The following GLIS3 variants were observed in gnomAD, a reference collection of about 807,000 sequenced individuals.
GLIS3 encodes the protein GLIS family zinc finger 3, also known as zinc finger protein GLIS3.
GLIS3 carries 53 observed loss-of-function variants against 78.6 expected under a neutral mutation model. That is an observed-to-expected ratio of 0.67 (90% CI 0.54 to 0.85). The LOEUF (loss-of-function observed/expected upper bound fraction) is 0.85. Ranked by LOEUF, GLIS3 falls within the 40% of genes least tolerant of loss-of-function variation. GLIS3 has a pLI of 0.00. For missense variants in GLIS3, 1,703 were observed against 1,231.1 expected, an observed-to-expected ratio of 1.38 and a Z score of -5.74; for synonymous variants, 684 against 509.9, an observed-to-expected ratio of 1.34 and a Z score of -4.60.
chr9:4,457,697 A>C, the GLIS3 span, among the ~76,000 whole-genome samples: 1 of 151,928 alleles, frequency 6.6e-6, no homozygotes, highest in South Asian at 2.1e-4. Flanking sequence ...AATACAAAAA[A>C]AAATTAGCTG....
chr9:4,384,914 G>A, the GLIS3 span, among the ~76,000 whole-genome samples: 1 of 151,804 alleles, frequency 6.6e-6, no homozygotes, highest in Non-Finnish European at 1.5e-5. Flanking sequence ...CACAACATTG[G>A]GTCCTAACTG....
At chr9:4,251,497 G>C (rs553708211) in intron 2 of GLIS3, among the ~76,000 whole-genome samples, 41 of 143,358 alleles carry the variant, frequency 2.9e-4, no homozygotes, top group Non-Finnish European at 5.9e-4. Flanking sequence ...TTGAGCCTAT[G>C]TGTGTCTTTG....
At chr9:4,362,047 GA>G in the GLIS3 span, among the ~76,000 whole-genome samples, 1 of 152,206 alleles carries the variant, frequency 6.6e-6, no homozygotes, top group Admixed American at 6.5e-5. Context: ...GGTCAGCAAA[GA>G]GGGATAAATC....
At chr9:4,191,009 G>A (rs1818285980) in intron 2 of GLIS3, among the ~76,000 whole-genome samples, 1 of 151,906 alleles carries the variant, frequency 6.6e-6, no homozygotes, top group Admixed American at 6.6e-5. Context: ...CGCCAGGCCT[G>A]CCCTAAAAGA....
At chr9:4,395,930 C>T in the GLIS3 span, among the ~76,000 whole-genome samples, 665 of 151,160 alleles carry the variant, frequency 4.4e-3, 2 homozygotes, top group African/African-American at 0.016. Context: ...TGCACCACCA[C>T]GCCCAGCTAA....
intron 4 of GLIS3, among the ~76,000 whole-genome samples, chr9:4,000,188 A>AT (rs1821035538): frequency 6.6e-6 from 1 of 152,236 alleles, no homozygotes; most frequent in Non-Finnish European, 1.5e-5. Context: ...ATCAACATGG[A>AT]TAACTCTTGA....
At chr9:4,088,089 G>C (rs1180335614) in intron 4 of GLIS3, among the ~76,000 whole-genome samples, 1 of 152,170 alleles carries the variant, frequency 6.6e-6, no homozygotes. Flanking sequence ...GCAGATCTGG[G>C]TTTGTCTTCA....
chr9:4,133,207 T>C (rs1833104718), intron 2 of GLIS3, among the ~76,000 whole-genome samples: 1 of 152,234 alleles, frequency 6.6e-6, no homozygotes, highest in Admixed American at 6.5e-5. Context: ...GCAGATTCCA[T>C]GTCCTTCATT....
intron 4 of GLIS3, among the ~76,000 whole-genome samples, chr9:4,006,761 C>T (rs1821585046): frequency 6.6e-6 from 1 of 152,186 alleles, no homozygotes; most frequent in Admixed American, 6.5e-5. Context: ...CCTGCTCTTT[C>T]TTCTAAAGAC....
chr9:4,204,030 C>G (rs994873137), intron 2 of GLIS3, among the ~76,000 whole-genome samples: 6 of 152,132 alleles, frequency 3.9e-5, no homozygotes, highest in African/African-American at 1.2e-4. Flanking sequence ...TAACATGATC[C>G]ATCCTCAGCA....
the GLIS3 span, among the ~76,000 whole-genome samples, chr9:4,483,520 C>T: frequency 2.6e-5 from 4 of 152,106 alleles, no homozygotes; most frequent in Non-Finnish European, 4.4e-5. Flanking sequence ...GAGTTTGAGA[C>T]CAGCCTGACC....
At chr9:4,482,779 A>T in the GLIS3 span, among the ~76,000 whole-genome samples, 1 of 152,192 alleles carries the variant, frequency 6.6e-6, no homozygotes, top group Non-Finnish European at 1.5e-5. Flanking sequence ...TGAGTCAACT[A>T]TTTTTTAAAA....
intron 4 of GLIS3, among the ~76,000 whole-genome samples, chr9:3,953,761 C>T (rs1816854118): frequency 3.7e-5 from 2 of 53,482 alleles, no homozygotes; most frequent in Admixed American, 2.4e-4. Flanking sequence ...ATTAGATTTG[C>T]TCTCTCTCTC....
intron 2 of GLIS3, among the ~76,000 whole-genome samples, chr9:4,186,431 C>A (rs951579829): frequency 6.6e-6 from 1 of 151,944 alleles, no homozygotes; most frequent in South Asian, 2.1e-4. Flanking sequence ...CAAGTCTTTG[C>A]TGTTGTGAAT....
the GLIS3 span, among the ~76,000 whole-genome samples, chr9:4,360,163 C>G: frequency 6.6e-6 from 1 of 152,184 alleles, no homozygotes; most frequent in African/African-American, 2.4e-5. Context: ...TCTGGAGAGG[C>G]AGCAGGCTGA....
At chr9:4,251,316 A>G (rs1824354750) in intron 2 of GLIS3, among the ~76,000 whole-genome samples, 1 of 152,016 alleles carries the variant, frequency 6.6e-6, no homozygotes, top group Non-Finnish European at 1.5e-5. Flanking sequence ...TATATTTAGG[A>G]TAGTTTACTC....
intron 4 of GLIS3, among the ~76,000 whole-genome samples, chr9:4,048,773 C>T (rs1476761922): frequency 1.3e-5 from 2 of 152,172 alleles, no homozygotes; most frequent in Admixed American, 6.5e-5. Context: ...CATCAGGTGA[C>T]TAGGCCTAGC....
intron 2 of GLIS3, among the ~76,000 whole-genome samples, chr9:4,206,900 G>A (rs572392279): frequency 6.6e-6 from 1 of 150,886 alleles, no homozygotes; most frequent in African/African-American, 2.4e-5. Flanking sequence ...TGGGAGGAAG[G>A]GGGGAGGACG....
At position 3,937,081 on chromosome 9, in the gene GLIS3, C is replaced by T; in HGVS notation, c.1819G>A (p.Ala607Thr). 1 of 1,613,788 alleles carries T rather than the reference C, an allele frequency of 6.2e-7. No individual in the cohort carries two copies. Among genetic ancestry groups the T allele is most frequent in the South Asian group, 1.1e-5 (1 of 91,050 alleles). ...GCGCGGTCACTGGAGTTACTGAAGGCCTTCTGACAACCCGGATGCTGGCAC... is the reference window on the plus strand; with the variant it reads ...GCGCGGTCACTGGAGTTACTGAAGGTCTTCTGACAACCCGGATGCTGGCAC... ...YLCQHPGCQK[A>T]FSNSSDRAKH... The change falls in exon 5 of 11, where the codon GCC (alanine) becomes ACC (threonine). Residue 607 changes from alanine (A) to threonine (T), a missense_variant. By Grantham distance (58) the Ala-to-Thr change is moderately conservative. Transcript: ENST00000381971.
Sources: gnomAD v4.1 joint callset for allele counts (sites outside exome capture counted in the v4.1 genomes callset) on GRCh38, gnomAD v4.1.1 for gene constraint, MANE v1.5 for transcripts, NCBI Gene and HGNC (gene_info 2026-07-23, HGNC 2026-07-21) for gene names.